Variants in NSF observed in about 807,000 individuals in gnomAD.
NSF encodes the protein N-ethylmaleimide sensitive factor, vesicle fusing ATPase, also known as vesicle-fusing ATPase.
NSF carries 14 observed loss-of-function variants against 50.3 expected under a neutral mutation model. The ratio of observed to expected loss-of-function variants is 0.28; its 90% CI spans 0.18 to 0.44. The LOEUF (loss-of-function observed/expected upper bound fraction) is 0.44, where lower values mean the gene tolerates loss of function less well. Among genes scored for constraint, NSF ranks in the 20% least tolerant of loss-of-function variants. NSF has a pLI of 1.00. For synonymous variants in NSF, 109 were observed against 175.7 expected (o/e 0.62, Z 3.00); for missense variants, 218 against 504.3 (o/e 0.43, Z 5.44).
intron 17 of NSF, among the ~76,000 whole-genome samples, chr17:46,744,200 C>T (rs1188412396): frequency 6.6e-6 from 1 of 152,212 alleles, no homozygotes; most frequent in East Asian, 1.9e-4. Flanking sequence ...TATTTGAAGG[C>T]ACAAACCAAA....
At chr17:46,716,261 CTT>C (rs56755526) in intron 15 of NSF, among the ~76,000 whole-genome samples, 2 of 143,752 alleles carry the variant, frequency 1.4e-5, no homozygotes, top group Non-Finnish European at 3.0e-5. Context: ...CTTGCCCCTC[CTT>C]TTTTTTTTTT....
chr17:46,744,479 G>A (rs1434881013), intron 17 of NSF, among the ~76,000 whole-genome samples: 1 of 152,100 alleles, frequency 6.6e-6, no homozygotes, highest in Non-Finnish European at 1.5e-5. Context: ...TCTTACCAAG[G>A]GTGTATTACA....
At chr17:46,681,859 C>T (rs1453707062) in intron 9 of NSF, among the ~76,000 whole-genome samples, 2 of 41,182 alleles carry the variant, frequency 4.9e-5, no homozygotes, top group South Asian at 7.9e-4. Flanking sequence ...CAGAAAGTCC[C>T]GGAACCAGTC....
chr17:46,721,469 G>T, intron 15 of NSF: 2 of 687,518 alleles, frequency 2.9e-6, no homozygotes, highest in Non-Finnish European at 5.1e-6. Flanking sequence ...CCCTATATAT[G>T]TATGTTGATA....
chr17:46,730,787 G>A (rs1442487647), intron 17 of NSF, among the ~76,000 whole-genome samples: 1 of 152,052 alleles, frequency 6.6e-6, no homozygotes, highest in African/African-American at 2.4e-5. Context: ...AGTTCAAATG[G>A]CCAACAAGTA....
intron 8 of NSF, among the ~76,000 whole-genome samples, chr17:46,659,765 C>G (rs1442145711): frequency 6.8e-6 from 1 of 145,998 alleles, no homozygotes; most frequent in Non-Finnish European, 1.5e-5. Context: ...GGACATTTAT[C>G]AAAGAATCAT....
intron 17 of NSF, among the ~76,000 whole-genome samples, chr17:46,735,832 C>T (rs567591392): frequency 6.6e-5 from 10 of 152,166 alleles, no homozygotes; most frequent in African/African-American, 2.2e-4. Context: ...GTAATCCCAG[C>T]GACTCGGGAA....
chr17:46,757,165 A>G lies in NSF; in HGVS notation c.*1342A>G, dbSNP rs2059242019. The G allele has an allele frequency of 6.6e-6, 1 of 152,178 alleles. No individual in the cohort carries two copies. Among genetic ancestry groups the G allele is most frequent in the Non-Finnish European group, 1.5e-5 (1 of 68,034 alleles). 9.4% of individuals were successfully genotyped at this position (152,178 alleles called of 1,614,324 possible). A position where few individuals can be genotyped will look rare whatever the true frequency, so the allele number is the denominator to read the frequency against. On this transcript the variant is annotated 3_prime_UTR_variant, in exon 21 of 21. Transcript: ENST00000398238. ...ATCATCTCCAAATCTTGCCATTTGT[A>G]TACTTTTGGTGGAGACTTGGATGTC... is the stretch of plus-strand genomic sequence containing the variant.
chr17:46,751,634 C>G lies in NSF; in HGVS notation c.2157+18C>G, dbSNP rs754931750. Reference sequence around the variant, plus strand: ...CCCTACAGGTAAGGTACTTCGTTCTCCGTATGACTCAGACAGAACAAAGCT... The same window carrying G: ...CCCTACAGGTAAGGTACTTCGTTCTGCGTATGACTCAGACAGAACAAAGCT... On this transcript the variant is annotated intron_variant, in intron 19 of 20. Transcript: ENST00000398238. 6.7e-7 allele frequency: 1 copy of G among 1,501,226 alleles called. No homozygotes were observed. The highest frequency in any genetic ancestry group is 1.7e-5 in the Admixed American group (1 of 59,148). The allele number at this position is 1,501,226 out of a possible 1,614,324, so 93.0% of individuals were successfully genotyped here. A position where few individuals can be genotyped will look rare whatever the true frequency, so the allele number is the denominator to read the frequency against.
chr17:46,731,180 C>G (rs930374088), intron 17 of NSF, among the ~76,000 whole-genome samples: 1 of 152,016 alleles, frequency 6.6e-6, no homozygotes, highest in Non-Finnish European at 1.5e-5. Flanking sequence ...AGTACCATTA[C>G]ATACTACAAC....
At chr17:46,690,611 C>CAAAAAA (rs771047574) in intron 9 of NSF, among the ~76,000 whole-genome samples, 4 of 91,796 alleles carry the variant, frequency 4.4e-5, no homozygotes, top group Non-Finnish European at 6.4e-5. Context: ...GACTCCGTCT[C>CAAAAAA]AAAAAAAAAA....
chr17:46,726,437 T>G, intron 15 of NSF, 112 bp from the exon 16 acceptor site: 1 of 921,930 alleles, frequency 1.1e-6, no homozygotes, highest in Non-Finnish European at 1.8e-6. Context: ...GTCCAAAGTG[T>G]TGGTGTTTTC....
At chr17:46,662,680 C>T (rs1667599729) in intron 8 of NSF, among the ~76,000 whole-genome samples, 1 of 139,868 alleles carries the variant, frequency 7.1e-6, no homozygotes, top group Admixed American at 7.3e-5. Flanking sequence ...CTACAGATTC[C>T]TCTTTTCTCT....
intron 17 of NSF, among the ~76,000 whole-genome samples, chr17:46,746,952 A>G (rs1361177265): frequency 2.6e-5 from 4 of 152,220 alleles, no homozygotes; most frequent in Non-Finnish European, 5.9e-5. Context: ...ATACCCAGAA[A>G]CATTACCCTG....
Position 46,710,920 on chromosome 17 carries a change from A to G in NSF, c.1471-43A>G, listed in dbSNP as rs1337514014. The G allele has an allele frequency of 5.9e-6, 9 of 1,535,960 alleles. No individual in the cohort carries two copies. The South Asian group carries it at 1.1e-4, about 20-fold the overall frequency. Reference sequence around the variant, plus strand: ...CTCGTCTTTTATACTGTTAGTTTTTAACACTAAGGCTCAAAATGCTTTAGA... The same window carrying G: ...CTCGTCTTTTATACTGTTAGTTTTTGACACTAAGGCTCAAAATGCTTTAGA... On this transcript the variant is annotated intron_variant, in intron 13 of 20. Coordinates refer to ENST00000398238, the MANE Select transcript of NSF (RefSeq NM_006178.4).
intron 17 of NSF, among the ~76,000 whole-genome samples, chr17:46,730,207 A>G (rs1452867001): frequency 6.6e-6 from 1 of 152,206 alleles, no homozygotes; most frequent in Non-Finnish European, 1.5e-5. Flanking sequence ...ACATCTACAT[A>G]TATTATGCAC....
At chr17:46,708,735 C>T (rs1475761921) in intron 13 of NSF, among the ~76,000 whole-genome samples, 1 of 148,540 alleles carries the variant, frequency 6.7e-6, no homozygotes, top group Non-Finnish European at 1.5e-5. Flanking sequence ...CTCAAGCGAT[C>T]CACCTACCTC....
intron 15 of NSF, among the ~76,000 whole-genome samples, chr17:46,716,851 T>G (rs2058776677): frequency 6.6e-6 from 1 of 152,220 alleles, no homozygotes; most frequent in African/African-American, 2.4e-5. Context: ...CATTGAAACA[T>G]ACTGATGTAA....
chr17:46,708,326 C>G (rs987027484), intron 13 of NSF, among the ~76,000 whole-genome samples: 2 of 152,144 alleles, frequency 1.3e-5, no homozygotes, highest in Admixed American at 1.3e-4. Flanking sequence ...CACAAAAATT[C>G]TGACTTCTCC....
Sources: allele counts gnomAD v4.1 joint callset (sites outside exome capture counted in the v4.1 genomes callset), GRCh38; gene constraint gnomAD v4.1.1; transcripts MANE v1.5; gene names NCBI Gene and HGNC (gene_info 2026-07-23, HGNC 2026-07-21).